The following SEPTIN7 variants were observed in gnomAD, a reference collection of about 807,000 sequenced individuals.
SEPTIN7 encodes the protein septin-7.
A neutral mutation model predicts 63.3 loss-of-function variants in SEPTIN7; 10 were observed. The ratio of observed to expected loss-of-function variants is 0.16; its 90% CI spans 0.10 to 0.27. SEPTIN7 has a LOEUF of 0.27. Ranked by LOEUF, SEPTIN7 falls within the 10% of genes least tolerant of loss-of-function variation. The pLI, the probability that SEPTIN7 is intolerant of heterozygous loss-of-function variation, is 1.00. For synonymous variants in SEPTIN7, 131 were observed against 165.3 expected (o/e 0.79, Z 1.59); for missense variants, 310 against 521.0 (o/e 0.59, Z 3.94).
intron 4 of SEPTIN7, among the ~76,000 whole-genome samples, chr7:35,870,768 A>G (rs1468814399): frequency 2.0e-5 from 3 of 150,798 alleles, no homozygotes; most frequent in African/African-American, 4.9e-5. Context: ...GTGAGGCTGC[A>G]GTAAGCTATA....
chr7:35,894,584 T>C (rs545405467), intron 11 of SEPTIN7, among the ~76,000 whole-genome samples: 1 of 152,308 alleles, frequency 6.6e-6, no homozygotes, highest in Admixed American at 6.5e-5. Flanking sequence ...GTTGGAAGTT[T>C]TGTTTATGTT....
At chr7:35,853,355 G>A (rs1241105969) in intron 3 of SEPTIN7, among the ~76,000 whole-genome samples, 1 of 152,150 alleles carries the variant, frequency 6.6e-6, no homozygotes, top group Non-Finnish European at 1.5e-5. Context: ...GAGCCCAGCA[G>A]GCAGAAATTG....
chr7:35,804,121 G>A (rs986231203), intron 1 of SEPTIN7, among the ~76,000 whole-genome samples: 10 of 152,164 alleles, frequency 6.6e-5, no homozygotes, highest in African/African-American at 2.4e-4. Flanking sequence ...ATTAAAGACT[G>A]TTAAGTCCGT....
chr7:35,860,706 T>C (rs773393002), intron 3 of SEPTIN7, among the ~76,000 whole-genome samples: 11 of 152,240 alleles, frequency 7.2e-5, no homozygotes, highest in Non-Finnish European at 1.3e-4. Context: ...TGCCAAAAAG[T>C]TGGCTTATAG....
intron 3 of SEPTIN7, among the ~76,000 whole-genome samples, chr7:35,857,948 T>C (rs1562553586): frequency 6.6e-6 from 1 of 152,054 alleles, no homozygotes; most frequent in Non-Finnish European, 1.5e-5. Flanking sequence ...ACCACTTTTA[T>C]TTCTTTTTTT....
intron 1 of SEPTIN7, among the ~76,000 whole-genome samples, chr7:35,807,313 A>G (rs186337224): frequency 0.024 from 3,289 of 136,614 alleles, 65 homozygotes; most frequent in Middle Eastern, 0.05. Context: ...CCTCCCGAGT[A>G]GCTGGGATTA....
Position 35,898,588 on chromosome 7 carries a change from G to C in SEPTIN7, c.1134+205G>C, listed in dbSNP as rs879563120. 4 of 460,376 alleles carry C rather than the reference G, an allele frequency of 8.7e-6. No individual in the cohort carries two copies. The East Asian group carries it at 9.7e-5, about 11-fold the overall frequency. 28.5% of individuals were successfully genotyped at this position (460,376 alleles called of 1,614,324 possible). A position where few individuals can be genotyped will look rare whatever the true frequency, so the allele number is the denominator to read the frequency against. ...TACTTCAATATGCAAGTGCTTGGACGTAGTATATTAGGTAGGACAGTGTAA... is the reference window on the plus strand; with the variant it reads ...TACTTCAATATGCAAGTGCTTGGACCTAGTATATTAGGTAGGACAGTGTAA... On this transcript the variant is annotated intron_variant, in intron 12 of 13. Coordinates refer to ENST00000350320, the MANE Select transcript of SEPTIN7 (RefSeq NM_001788.6).
chr7:35,813,561 C>T (rs1221646729), intron 1 of SEPTIN7, among the ~76,000 whole-genome samples: 1 of 152,090 alleles, frequency 6.6e-6, no homozygotes, highest in Non-Finnish European at 1.5e-5. Flanking sequence ...TTTTTGTAGG[C>T]ATGGGGTTTT....
At chr7:35,807,465 C>G (rs1788424447) in intron 1 of SEPTIN7, among the ~76,000 whole-genome samples, 1 of 150,090 alleles carries the variant, frequency 6.7e-6, no homozygotes, top group South Asian at 2.1e-4. Context: ...CCCGGGTTCA[C>G]ACCATTCTCC....
At chr7:35,891,820 G>A (rs535930928) in intron 11 of SEPTIN7, among the ~76,000 whole-genome samples, 1 of 151,990 alleles carries the variant, frequency 6.6e-6, no homozygotes, top group African/African-American at 2.4e-5. Flanking sequence ...TGGTTCTTTT[G>A]TAGTAACACT....
At chr7:35,852,458 AAC>A (rs1222094690) in intron 3 of SEPTIN7, among the ~76,000 whole-genome samples, 2 of 152,188 alleles carry the variant, frequency 1.3e-5, no homozygotes, top group African/African-American at 2.4e-5. Context: ...TACTTAAGGA[AAC>A]ACAGAAAAAT....
chr7:35,838,239 T>TA (rs1562536619), intron 3 of SEPTIN7, among the ~76,000 whole-genome samples: 314 of 7,488 alleles, frequency 0.042, 20 homozygotes, highest in African/African-American at 0.11. Context: ...TATCCAAACT[T>TA]CCTTCCTTCC....
chr7:35,842,739 A>G (rs569950653), intron 3 of SEPTIN7, among the ~76,000 whole-genome samples: 3 of 152,196 alleles, frequency 2.0e-5, no homozygotes, highest in Non-Finnish European at 2.9e-5. Flanking sequence ...TTTTGAAACA[A>G]TTCTAAACAA....
chr7:35,873,324 C>T (rs888918477), intron 5 of SEPTIN7, among the ~76,000 whole-genome samples: 2 of 151,954 alleles, frequency 1.3e-5, no homozygotes, highest in African/African-American at 4.8e-5. Context: ...AGTAATCTCT[C>T]ATTTGAAATT....
chr7:35,868,555 A>G (rs1187058921), intron 4 of SEPTIN7, among the ~76,000 whole-genome samples: 1 of 151,898 alleles, frequency 6.6e-6, no homozygotes, highest in Non-Finnish European at 1.5e-5. Context: ...TGGTAGCAAG[A>G]TGGCAGTGGG....
intron 3 of SEPTIN7, among the ~76,000 whole-genome samples, chr7:35,858,053 T>A (rs1785297531): frequency 6.6e-6 from 1 of 152,088 alleles, no homozygotes; most frequent in Non-Finnish European, 1.5e-5. Flanking sequence ...GCAGTTCTCT[T>A]GCTTCAGCCT....
chr7:35,898,241 G>GT lies in SEPTIN7; in HGVS notation c.999-6dup, dbSNP rs1218021937. The GT allele has an allele frequency of 6.6e-7, 1 of 1,524,974 alleles. No homozygotes were observed. The highest frequency in any genetic ancestry group is 1.4e-5 in the African/African-American group (1 of 71,852). The allele number at this position is 1,524,974 out of a possible 1,614,324, so 94.5% of individuals were successfully genotyped here. On this transcript the variant is annotated splice_polypyrimidine_tract_variant and splice_region_variant and intron_variant, in intron 11 of 13. Transcript: ENST00000350320. The stretch of plus-strand genomic sequence containing the variant: ...CATTTAATGATTACCCTTAATATTC[G>GT]TGACAGGAGCCCTCTGGCACAAATG...
At chr7:35,882,798 T>C (rs1381860451) in intron 8 of SEPTIN7, among the ~76,000 whole-genome samples, 1 of 152,082 alleles carries the variant, frequency 6.6e-6, no homozygotes, top group Non-Finnish European at 1.5e-5. Flanking sequence ...ACAATTCTTA[T>C]TTCAAAGTGT....
chr7:35,838,830 A>C (rs375365890), intron 3 of SEPTIN7, among the ~76,000 whole-genome samples: 1 of 152,172 alleles, frequency 6.6e-6, no homozygotes, highest in East Asian at 1.9e-4. Flanking sequence ...TTTTTGATCT[A>C]AGTTGTGAGG....
Sources: gnomAD v4.1 joint callset for allele counts (sites outside exome capture counted in the v4.1 genomes callset) on GRCh38, gnomAD v4.1.1 for gene constraint, MANE v1.5 for transcripts, NCBI Gene and HGNC (gene_info 2026-07-23, HGNC 2026-07-21) for gene names.